The following PIGY variants were observed in gnomAD, a reference collection of about 807,000 sequenced individuals.
The protein encoded by PIGY is phosphatidylinositol glycan anchor biosynthesis class Y, also known as phosphatidylinositol N-acetylglucosaminyltransferase subunit Y.
In PIGY, 3 loss-of-function variants were observed where a neutral mutation model predicts 4.1. The observed-to-expected ratio is 0.73, with a 90% CI of 0.33 to 1.89. The LOEUF (loss-of-function observed/expected upper bound fraction) is 1.89, where lower values mean the gene tolerates loss of function less well. PIGY is among the 40% of genes most tolerant of loss of function. PIGY has a pLI of 0.08. For synonymous variants in PIGY, 33 were observed against 31.4 expected (o/e 1.05, Z -0.18); for missense variants, 78 against 80.3 (o/e 0.97, Z 0.11).
chr4:88,521,353 T>G lies in PIGY; in HGVS notation c.*221A>C. 1 of 516,890 alleles carries G rather than the reference T, an allele frequency of 1.9e-6. No homozygotes were observed. Among genetic ancestry groups the G allele is most frequent in the East Asian group, 3.1e-5 (1 of 32,722 alleles). 32.0% of individuals were successfully genotyped at this position (516,890 alleles called of 1,614,324 possible). On this transcript the variant is annotated 3_prime_UTR_variant, in exon 2 of 2. Coordinates refer to ENST00000527353, the MANE Select transcript of PIGY (RefSeq NM_001042616.3). ...CCAACCAAGACACTGTCAAAATGTTTCTTCTGATACAGCAGTTATAAGTCA... is the reference window on the plus strand; with the variant it reads ...CCAACCAAGACACTGTCAAAATGTTGCTTCTGATACAGCAGTTATAAGTCA...
At chr4:88,523,372 A>T in intron 1 of PIGY, 126 bp downstream of exon 1, 1 of 998,924 alleles carries the variant, frequency 1.0e-6, no homozygotes, top group Non-Finnish European at 1.5e-6. Flanking sequence ...GACAGAGTCC[A>T]GAATGTGGCA....
Position 88,521,639 on chromosome 4 carries a change from T to G in PIGY, c.151A>C (p.Ile51Leu), listed in dbSNP as rs201457617. Residue 51 changes from isoleucine (I) to leucine (L), a missense_variant, in exon 2 of 2, where the codon ATA (isoleucine) becomes CTA (leucine). Ile to Leu is a conservative substitution (Grantham distance 5). Transcript: ENST00000527353. ...AGGTGGAAGAATACATACACTGGTA[T>G]GGTAATAGGCAAGAGCAGGCTGTAA... ...CFYSLLLPIT[I>L]PVYVFFHLWT... 1 of 1,613,992 alleles carries G rather than the reference T, an allele frequency of 6.2e-7. No individual in the cohort carries two copies. The highest frequency in any genetic ancestry group is 1.3e-5 in the African/African-American group (1 of 75,052).
At position 88,521,246 on chromosome 4, in the gene PIGY, A is replaced by G; in HGVS notation, c.*328T>C. The G allele has an allele frequency of 4.1e-6, 1 of 242,234 alleles. No homozygotes were observed. The highest frequency in any genetic ancestry group is 8.1e-6 in the Non-Finnish European group (1 of 123,630). The allele number at this position is 242,234 out of a possible 1,614,324, so 15.0% of individuals were successfully genotyped here. A position where few individuals can be genotyped will look rare whatever the true frequency, so the allele number is the denominator to read the frequency against. ...TTACCAAAGACCTTGAAGCTAAACA[A>G]ACAAGCAAAACAAAATTTCAATGAC... is the stretch of plus-strand genomic sequence containing the variant. On this transcript the variant is annotated 3_prime_UTR_variant, in exon 2 of 2. Transcript: ENST00000527353.
In PIGY at chr4:88,521,816, C is replaced by T. The variant is rs1180986078; in HGVS notation, c.-27G>A. 3 of 1,597,710 alleles carry T rather than the reference C, an allele frequency of 1.9e-6. No homozygotes were observed. Among genetic ancestry groups the T allele is most frequent in the East Asian group, 4.5e-5 (2 of 44,572 alleles). On this transcript the variant is annotated 5_prime_UTR_variant, in exon 2 of 2. It adds an upstream start codon to the 5' untranslated region. Coordinates refer to ENST00000527353, the MANE Select transcript of PIGY (RefSeq NM_001042616.3). ...CTTCTCTTCCACTTATTACCTGCCA[C>T]TGTGTTTTAAAAGGTATATGGTATT... is the stretch of plus-strand genomic sequence containing the variant.
rs1560623752 is a variant in PIGY at position 88,521,806 on chromosome 4, T to G, written c.-17A>C. 2 of 1,604,294 alleles carry G rather than the reference T, an allele frequency of 1.2e-6. No homozygotes were observed. Among genetic ancestry groups the G allele is most frequent in the Non-Finnish European group, 8.5e-7 (1 of 1,174,774 alleles). ...CAGAAACATTCTTCTCTTCCACTTA[T>G]TACCTGCCACTGTGTTTTAAAAGGT... On this transcript the variant is annotated 5_prime_UTR_variant, in exon 2 of 2. Coordinates refer to ENST00000527353, the MANE Select transcript of PIGY (RefSeq NM_001042616.3).
Position 88,521,894 on chromosome 4 carries a change from C to T in PIGY, c.-105G>A. On this transcript the variant is annotated 5_prime_UTR_variant, in exon 2 of 2. Transcript: ENST00000527353. ...AATTTTTTTAAATTATGAACTAGCG[C>T]TGCTCCACTTCTTCTTGCTTCTTAC... 6.4e-7 allele frequency: 1 copy of T among 1,550,502 alleles called. No individual in the cohort carries two copies. Among genetic ancestry groups the T allele is most frequent in the Non-Finnish European group, 8.7e-7 (1 of 1,146,698 alleles).
At position 88,521,409 on chromosome 4, in the gene PIGY, G is replaced by A. The variant is rs558554240; in HGVS notation, c.*165C>T. The A allele has an allele frequency of 6.1e-4, 382 of 625,942 alleles. 2 individuals carry two copies. The highest frequency in any genetic ancestry group is 1.6e-3 in the South Asian group (76 of 48,222). 38.8% of individuals were successfully genotyped at this position (625,942 alleles called of 1,614,324 possible). On this transcript the variant is annotated 3_prime_UTR_variant, in exon 2 of 2. Coordinates refer to ENST00000527353, the MANE Select transcript of PIGY (RefSeq NM_001042616.3). ...TTCAAAAAACAAGGGCAGAACAAGA[G>A]TACAATAAAAGAAGCATCTGCAACT... is the stretch of plus-strand genomic sequence containing the variant.
At position 88,523,770 on chromosome 4, in the gene PIGY, C is replaced by A. The variant is rs917005813; in HGVS notation, c.-513G>T. 1.5e-6 allele frequency: 2 copies of A among 1,360,356 alleles called. No homozygotes were observed. Among genetic ancestry groups the A allele is most frequent in the Admixed American group, 3.4e-5 (1 of 29,476 alleles). 84.3% of individuals were successfully genotyped at this position (1,360,356 alleles called of 1,614,324 possible). A position where few individuals can be genotyped will look rare whatever the true frequency, so the allele number is the denominator to read the frequency against. ...GTGGCCGAGCTCCCGGCTTCCCGTT[C>A]GTCCAGGCCAGCCGGGCAGGCCCCG... On this transcript the variant is annotated 5_prime_UTR_variant, in exon 1 of 2. Transcript: ENST00000527353.
Position 88,521,808 on chromosome 4 carries a change from A to G in PIGY, c.-19T>C. On this transcript the variant is annotated 5_prime_UTR_variant, in exon 2 of 2. Transcript: ENST00000527353. ...GAAACATTCTTCTCTTCCACTTATT[A>G]CCTGCCACTGTGTTTTAAAAGGTAT... 6.2e-7 allele frequency: 1 copy of G among 1,601,234 alleles called. No homozygotes were observed. Among genetic ancestry groups the G allele is most frequent in the African/African-American group, 1.3e-5 (1 of 74,746 alleles).
intron 1 of PIGY, 91 bp downstream of exon 1, chr4:88,523,407 A>T: frequency 7.5e-7 from 1 of 1,334,522 alleles, no homozygotes; most frequent in Non-Finnish European, 1.0e-6. Context: ...ACCGACCTAC[A>T]AGGCCCCAGT....
chr4:88,522,046 A>T lies in PIGY; in HGVS notation c.-240-17T>A, dbSNP rs1742389840. On this transcript the variant is annotated splice_polypyrimidine_tract_variant and intron_variant, in intron 1 of 1. Coordinates refer to ENST00000527353, the MANE Select transcript of PIGY (RefSeq NM_001042616.3). Reference sequence around the variant, plus strand: ...GCTTCATATCTGAGGTGGAAAAAAAAAGAACAAAATGAGTTGTGGGAAAAT... The same window carrying T: ...GCTTCATATCTGAGGTGGAAAAAAATAGAACAAAATGAGTTGTGGGAAAAT... The T allele has an allele frequency of 4.6e-6, 7 of 1,522,370 alleles. No individual in the cohort carries two copies. The highest frequency in any genetic ancestry group is 6.2e-6 in the Non-Finnish European group (7 of 1,136,638). The allele number at this position is 1,522,370 out of a possible 1,614,324, so 94.3% of individuals were successfully genotyped here. A position where few individuals can be genotyped will look rare whatever the true frequency, so the allele number is the denominator to read the frequency against.
In PIGY at chr4:88,523,690, C is replaced by G; in HGVS notation, c.-433G>C. 2.0e-6 allele frequency: 3 copies of G among 1,503,422 alleles called. No homozygotes were observed. The highest frequency in any genetic ancestry group is 2.2e-5 in the Admixed American group (1 of 45,180). The allele number at this position is 1,503,422 out of a possible 1,614,324, so 93.1% of individuals were successfully genotyped here. A position where few individuals can be genotyped will look rare whatever the true frequency, so the allele number is the denominator to read the frequency against. On this transcript the variant is annotated 5_prime_UTR_variant, in exon 1 of 2. Transcript: ENST00000527353. ...CGCTGAGGCGAGCCTGCAGCGTGCT[C>G]CACTCAGCATGGTCTGGCAGCCGGA...
In PIGY at chr4:88,523,750, C is replaced by G; in HGVS notation, c.-493G>C. 1.4e-6 allele frequency: 2 copies of G among 1,389,922 alleles called. No homozygotes were observed. Among genetic ancestry groups the G allele is most frequent in the South Asian group, 1.6e-5 (1 of 63,664 alleles). The allele number at this position is 1,389,922 out of a possible 1,614,324, so 86.1% of individuals were successfully genotyped here. The stretch of plus-strand genomic sequence containing the variant: ...TCACCGCAGCCTCGCCACCCGTGGC[C>G]GAGCTCCCGGCTTCCCGTTCGTCCA... On this transcript the variant is annotated 5_prime_UTR_variant, in exon 1 of 2. Transcript: ENST00000527353.
In PIGY at chr4:88,521,666, A is replaced by G. The variant is rs187627657; in HGVS notation, c.124T>C (p.Phe42Leu). ...GTAATAGGCAAGAGCAGGCTGTAAA[A>G]GCAAAGGCTGGCTGTGCTAGTGCAG... ...QGCTSTASLC[F>L]YSLLLPITIP... The change falls in exon 2 of 2, where the codon TTT becomes CTT. Residue 42 changes from phenylalanine to leucine, a missense_variant. Transcript: ENST00000527353. 1.4e-5 allele frequency: 22 copies of G among 1,614,020 alleles called. No homozygotes were observed. Among genetic ancestry groups the G allele is most frequent in the Non-Finnish European group, 1.9e-5 (22 of 1,179,874 alleles).
intron 1 of PIGY, 113 bp from the exon 2 acceptor site, chr4:88,522,142 A>T: frequency 1.1e-6 from 1 of 914,806 alleles, no homozygotes; most frequent in Non-Finnish European, 1.6e-6. Context: ...AGTTAATCCC[A>T]GAATAGTCTT....
rs1211692377 is a variant in PIGY at position 88,521,399 on chromosome 4, C to G, written c.*175G>C. The G allele has an allele frequency of 1.7e-6, 1 of 597,620 alleles. No homozygotes were observed. Among genetic ancestry groups the G allele is most frequent in the Admixed American group, 3.2e-5 (1 of 31,046 alleles). 37.0% of individuals were successfully genotyped at this position (597,620 alleles called of 1,614,324 possible). On this transcript the variant is annotated 3_prime_UTR_variant, in exon 2 of 2. Coordinates refer to ENST00000527353, the MANE Select transcript of PIGY (RefSeq NM_001042616.3). ...AGTCAGAGCCTTCAAAAAACAAGGG[C>G]AGAACAAGAGTACAATAAAAGAAGC...
intron 1 of PIGY, 117 bp from the exon 2 acceptor site, chr4:88,522,146 T>G (rs1407540807): frequency 2.3e-6 from 2 of 870,198 alleles, no homozygotes; most frequent in Admixed American, 3.3e-5. Flanking sequence ...AATCCCAGAA[T>G]AGTCTTCTTT....
At chr4:88,523,423 C>G (rs1742452343) in intron 1 of PIGY, 75 bp downstream of exon 1, 5 of 1,481,610 alleles carry the variant, frequency 3.4e-6, no homozygotes, top group Non-Finnish European at 4.6e-6. Flanking sequence ...CCAGTGGCTG[C>G]AAGAGGCCGC....
At chr4:88,523,321 C>T (rs766088647) in intron 1 of PIGY, among the ~76,000 whole-genome samples, 177 bp downstream of exon 1, 36 of 152,182 alleles carry the variant, frequency 2.4e-4, no homozygotes, top group Non-Finnish European at 4.9e-4. Flanking sequence ...GCTCCCCTGG[C>T]CTCCGGTCTC....
Sources: allele counts gnomAD v4.1 joint callset (sites outside exome capture counted in the v4.1 genomes callset), GRCh38; gene constraint gnomAD v4.1.1; transcripts MANE v1.5; gene names NCBI Gene and HGNC (gene_info 2026-07-23, HGNC 2026-07-21).